SMOC2: variants seen among roughly 807,000 people sequenced by gnomAD.
SMOC2 encodes SPARC related modular calcium binding 2.
A neutral mutation model predicts 61.4 loss-of-function variants in SMOC2; 39 were observed. The ratio of observed to expected loss-of-function variants is 0.64; its 90% CI spans 0.49 to 0.83. SMOC2 has a LOEUF of 0.83. Among genes scored for constraint, SMOC2 ranks in the 40% least tolerant of loss-of-function variants. The pLI is 0.00. For synonymous variants in SMOC2, 247 were observed against 239.9 expected (o/e 1.03, Z -0.27); for missense variants, 556 against 592.9 (o/e 0.94, Z 0.65).
At chr6:168,573,611 G>C (rs1274941993) in intron 7 of SMOC2, among the ~76,000 whole-genome samples, 5 of 152,112 alleles carry the variant, frequency 3.3e-5, no homozygotes, top group Non-Finnish European at 7.4e-5. Flanking sequence ...GAGCGCCTGC[G>C]ACAGGGCAGA....
Position 168,553,910 on chromosome 6 carries a change from G to A in SMOC2, c.637+4707G>A, listed in dbSNP as rs192447627. ...CCATGGGACGAGTCGATTAAAACTTGCTTTTGAACTGCGTGTGCTGTGCAT... is the reference window on the plus strand; with the variant it reads ...CCATGGGACGAGTCGATTAAAACTTACTTTTGAACTGCGTGTGCTGTGCAT... On this transcript the variant is annotated intron_variant, in intron 7 of 12. Transcript: ENST00000356284. This position sits in a 1 kb window ranked among gnomAD's most constrained non-coding sequence, Gnocchi z 4.2. Among the ~76,000 whole-genome samples the A allele has an allele frequency of 0.011, 1,690 of 149,304 alleles. 52 individuals are homozygous for A. The highest frequency in any genetic ancestry group is 0.041 in the African/African-American group (1,609 of 39,236).
At chr6:168,643,658 G>A (rs967895212) in intron 9 of SMOC2, among the ~76,000 whole-genome samples, 1 of 152,208 alleles carries the variant, frequency 6.6e-6, no homozygotes, top group African/African-American at 2.4e-5. Context: ...GGGGCAGCGG[G>A]GAGAGCTCCA....
At chr6:168,602,641 G>T (rs1411153094) in intron 8 of SMOC2, among the ~76,000 whole-genome samples, 4 of 152,196 alleles carry the variant, frequency 2.6e-5, no homozygotes. Flanking sequence ...ACGTGGAGCA[G>T]GGTCTGTGGC....
chr6:168,644,284 C>T (rs998431286), intron 9 of SMOC2, among the ~76,000 whole-genome samples: 1 of 152,182 alleles, frequency 6.6e-6, no homozygotes, highest in African/African-American at 2.4e-5. Context: ...TTTTCTTCAG[C>T]GGGGCTGCCA....
At chr6:168,543,706 T>C in intron 5 of SMOC2, 34 bp downstream of exon 5, 2 of 1,581,124 alleles carry the variant, frequency 1.3e-6, no homozygotes, top group East Asian at 2.2e-5. Flanking sequence ...TATGACGATA[T>C]GTAACATCTA....
intron 1 of SMOC2, among the ~76,000 whole-genome samples, chr6:168,493,830 T>G (rs1782524934): frequency 6.6e-6 from 1 of 152,220 alleles, no homozygotes; most frequent in South Asian, 2.1e-4. Context: ...GAATATTTAT[T>G]TCATCAGACA....
At chr6:168,485,197 T>C (rs963276739) in intron 1 of SMOC2, among the ~76,000 whole-genome samples, 3 of 152,170 alleles carry the variant, frequency 2.0e-5, no homozygotes, top group African/African-American at 7.2e-5. Flanking sequence ...TAGCAAGTAT[T>C]GACAAGGATA....
Position 168,527,702 on chromosome 6 carries a change from G to T in SMOC2, c.438G>T (p.Val146=). Residue 146 remains valine (V), a synonymous_variant, in exon 4 of 13, where the codon GTG becomes GTT. Coordinates refer to ENST00000356284, the MANE Select transcript of SMOC2 (RefSeq NM_001166412.2). ...PNGRPISGTA[V]AHKTPRCPGS... is the part of the protein sequence containing the mutation. ...GGAGGCCCATCAGCGGCACTGCCGT[G>T]GCCCACAAGACGCCCCGGTGCCCGG... 6.4e-7 allele frequency: 1 copy of T among 1,551,844 alleles called. No homozygotes were observed.
intron 9 of SMOC2, among the ~76,000 whole-genome samples, chr6:168,622,843 A>G (rs1786279947): frequency 6.6e-6 from 1 of 152,216 alleles, no homozygotes; most frequent in Non-Finnish European, 1.5e-5. Context: ...GACAAGGTAC[A>G]GGACGTGCAA....
intron 1 of SMOC2, among the ~76,000 whole-genome samples, chr6:168,494,345 C>G (rs1782540697): frequency 1.3e-5 from 2 of 152,202 alleles, no homozygotes; most frequent in East Asian, 3.8e-4. Context: ...TTTCAGCAGA[C>G]ACGCACCTAA....
chr6:168,610,204 CA>C (rs1785819205), intron 9 of SMOC2, among the ~76,000 whole-genome samples: 2 of 152,136 alleles, frequency 1.3e-5, no homozygotes, highest in Non-Finnish European at 2.9e-5. Flanking sequence ...TCTGCTAAAA[CA>C]GGAGGAGAAG....
At chr6:168,442,511 C>T (rs1643266552) in intron 1 of SMOC2, among the ~76,000 whole-genome samples, 1 of 152,262 alleles carries the variant, frequency 6.6e-6, no homozygotes. Context: ...CGAAAACATT[C>T]CACTTAAATG....
intron 8 of SMOC2, among the ~76,000 whole-genome samples, chr6:168,600,553 G>A (rs1030153034): frequency 1.3e-4 from 20 of 152,018 alleles, no homozygotes; most frequent in Admixed American, 7.2e-4. Context: ...CACAGGCAGC[G>A]CTGGCTCTTC....
At position 168,441,313 on chromosome 6, in the gene SMOC2, G is replaced by T; in HGVS notation, c.-58G>T. ...CGCGCTCGCCCACTGGGCTCTCCCGGCTGCAGTGCCAGGGCGCAGGACGCG... is the reference window on the plus strand; with the variant it reads ...CGCGCTCGCCCACTGGGCTCTCCCGTCTGCAGTGCCAGGGCGCAGGACGCG... On this transcript the variant is annotated 5_prime_UTR_variant, in exon 1 of 13. Transcript: ENST00000356284. The T allele has an allele frequency of 6.8e-7, 1 of 1,475,640 alleles. No individual in the cohort carries two copies. The highest frequency in any genetic ancestry group is 1.3e-5 in the South Asian group (1 of 77,644). 91.4% of individuals were successfully genotyped at this position (1,475,640 alleles called of 1,614,324 possible).
rs375803778 is a variant in SMOC2, at chr6:168,662,286, G to A, written c.1286-1788G>A. Among the ~76,000 whole-genome samples, 225 of 152,330 alleles carry A rather than the reference G, an allele frequency of 1.5e-3. 8 individuals carry two copies. Among genetic ancestry groups the A allele is most frequent in the Middle Eastern group, 6.8e-3 (2 of 294 alleles). On this transcript the variant is annotated intron_variant, in intron 11 of 12. Coordinates refer to ENST00000356284, the MANE Select transcript of SMOC2 (RefSeq NM_001166412.2). Reference sequence around the variant, plus strand: ...AGATAAATAAGAAACCCCACAGCACGATAGGGGTTGCTTGTGGAGGAGGCA... The same window carrying A: ...AGATAAATAAGAAACCCCACAGCACAATAGGGGTTGCTTGTGGAGGAGGCA...
rs922499534 is a variant in SMOC2, at chr6:168,474,050, C to T, written c.84+32596C>T. ...TTCGCCTCTCCACTCTCCACGCAGG[C>T]TTGTGTGAGGGCTCAGTGTAGTGGT... is the stretch of plus-strand genomic sequence containing the variant. On this transcript the variant is annotated intron_variant, in intron 1 of 12. Transcript: ENST00000356284. 2.6e-5 allele frequency among the ~76,000 whole-genome samples: 4 copies of T among 152,122 alleles called. No homozygotes were observed. In the East Asian group the frequency reaches 7.7e-4, roughly 29 times the overall value.
intron 6 of SMOC2, among the ~76,000 whole-genome samples, chr6:168,548,002 A>G (rs1784045435): frequency 6.6e-6 from 1 of 152,144 alleles, no homozygotes; most frequent in Admixed American, 6.5e-5. Flanking sequence ...CCTTTAATAC[A>G]TTGTCTTAGG....
rs77586423 is a variant in SMOC2, at chr6:168,596,774, C to G, written c.638-2044C>G. Among the ~76,000 whole-genome samples, 1,309 of 152,324 alleles carry G rather than the reference C, an allele frequency of 8.6e-3. 18 individuals carry two copies. The highest frequency in any genetic ancestry group is 0.029 in the African/African-American group (1,213 of 41,570). ...CCTTTTTATTTGTTACCAGTTTCCTCGTTATCGTTGAGGCAAAAGCCTCTT... is the reference window on the plus strand; with the variant it reads ...CCTTTTTATTTGTTACCAGTTTCCTGGTTATCGTTGAGGCAAAAGCCTCTT... On this transcript the variant is annotated intron_variant, in intron 7 of 12. Transcript: ENST00000356284.
intron 1 of SMOC2, among the ~76,000 whole-genome samples, chr6:168,508,707 A>G (rs943340541): frequency 6.6e-6 from 1 of 152,194 alleles, no homozygotes; most frequent in African/African-American, 2.4e-5. Context: ...CCCCTGCTCA[A>G]ACTGGAAGAG....
Sources: gnomAD v4.1 joint callset for allele counts (sites outside exome capture counted in the v4.1 genomes callset) on GRCh38, gnomAD v4.1.1 for gene constraint, Gnocchi (gnomAD v3.1) non-coding constraint, MANE v1.5 for transcripts, NCBI Gene and HGNC (gene_info 2026-07-23, HGNC 2026-07-21) for gene names.